The following ALK variants were observed in gnomAD, a reference collection of about 807,000 sequenced individuals.
The protein encoded by ALK is ALK receptor tyrosine kinase, also known as ALK tyrosine kinase receptor.
ALK carries 74 observed loss-of-function variants against 163.1 expected under a neutral mutation model. The observed-to-expected ratio is 0.45, with a 90% CI of 0.38 to 0.55. ALK has a LOEUF of 0.55. ALK is among the 20% of genes least tolerant of loss of function. The pLI is 0.00. For missense variants in ALK, 2,063 were observed against 2,105.3 expected (o/e 0.98, Z 0.39); for synonymous variants, 960 against 843.2 (o/e 1.14, Z -2.40).
chr2:29,272,642 A>G (rs1665422789), intron 11 of ALK, among the ~76,000 whole-genome samples: 1 of 152,222 alleles, frequency 6.6e-6, no homozygotes, highest in Non-Finnish European at 1.5e-5. Context: ...AATGCCACCA[A>G]CCACCTCGTT....
intron 3 of ALK, among the ~76,000 whole-genome samples, chr2:29,580,797 C>T (rs931784197): frequency 2.6e-5 from 4 of 152,150 alleles, no homozygotes; most frequent in Admixed American, 1.3e-4. Context: ...TGCCCAATGG[C>T]GGGGAGTCAG....
intron 1 of ALK, among the ~76,000 whole-genome samples, chr2:29,722,456 C>T (rs17008524): frequency 0.015 from 2,345 of 152,304 alleles, 63 homozygotes; most frequent in African/African-American, 0.054. Flanking sequence ...TAGCCCTCTT[C>T]GTAAGACTTT....
At chr2:29,647,567 C>T (rs1216911639) in intron 3 of ALK, among the ~76,000 whole-genome samples, 2 of 152,058 alleles carry the variant, frequency 1.3e-5, no homozygotes, top group Admixed American at 6.6e-5. Context: ...CTATTTGAAG[C>T]TCTCTCTTTC....
rs200800641 is a variant in ALK, at chr2:29,656,878, G to GA, written c.952+37971dup. ...CTACTACTCCATCCCTTTTTGCAGG[G>GA]AAAAAAAACTGTTCAAAGAACAAAA... On this transcript the variant is annotated intron_variant, in intron 3 of 28. Coordinates refer to ENST00000389048, the MANE Select transcript of ALK (RefSeq NM_004304.5). Among the ~76,000 whole-genome samples the GA allele has an allele frequency of 9.2e-4, 140 of 151,614 alleles. No homozygotes were observed. In the South Asian group the frequency reaches 9.4e-3, roughly 10 times the overall value.
At chr2:29,595,868 G>A (rs1675199463) in intron 3 of ALK, among the ~76,000 whole-genome samples, 1 of 152,202 alleles carries the variant, frequency 6.6e-6, no homozygotes, top group African/African-American at 2.4e-5. Flanking sequence ...GAGAATTCCA[G>A]GACTGAAGGG....
intron 3 of ALK, among the ~76,000 whole-genome samples, chr2:29,656,564 A>T (rs1677191150): frequency 6.6e-6 from 1 of 152,218 alleles, no homozygotes; most frequent in Non-Finnish European, 1.5e-5. Context: ...TATGTGACAT[A>T]CATGTATTAG....
intron 28 of ALK, among the ~76,000 whole-genome samples, chr2:29,194,469 C>T (rs1302490048): frequency 6.6e-6 from 1 of 152,094 alleles, no homozygotes; most frequent in Non-Finnish European, 1.5e-5. Context: ...TCCTGTGCCA[C>T]ATCATCACAT....
At chr2:29,253,014 T>C (rs1389419068) in intron 11 of ALK, among the ~76,000 whole-genome samples, 3 of 151,832 alleles carry the variant, frequency 2.0e-5, no homozygotes, top group Admixed American at 2.0e-4. Flanking sequence ...TTTGTTGAGA[T>C]GGGGGTCTCA....
chr2:29,427,149 C>T (rs920737886), intron 4 of ALK, among the ~76,000 whole-genome samples: 14 of 10,928 alleles, frequency 1.3e-3, no homozygotes, highest in Non-Finnish European at 6.1e-3. Context: ...AATAACCGCA[C>T]AAAGGATTGG....
chr2:29,198,516 A>G (rs1669079692), intron 26 of ALK, among the ~76,000 whole-genome samples: 2 of 152,232 alleles, frequency 1.3e-5, no homozygotes, highest in Non-Finnish European at 2.9e-5. Flanking sequence ...CTAGTAATTC[A>G]GGGTAATTAC....
intron 1 of ALK, among the ~76,000 whole-genome samples, chr2:29,791,445 C>T (rs1399556179): frequency 6.6e-6 from 1 of 152,040 alleles, no homozygotes; most frequent in Non-Finnish European, 1.5e-5. Flanking sequence ...CACATGGACA[C>T]AGGGAGGGGA....
At chr2:29,328,234 A>T in intron 6 of ALK, 116 bp downstream of exon 6, 1 of 1,466,092 alleles carries the variant, frequency 6.8e-7, no homozygotes, top group Non-Finnish European at 9.5e-7. Context: ...GAGGAGTCAC[A>T]AGTGTCAGTG....
intron 1 of ALK, among the ~76,000 whole-genome samples, chr2:29,885,088 A>T (rs943036736): frequency 6.6e-6 from 1 of 152,250 alleles, no homozygotes; most frequent in Non-Finnish European, 1.5e-5. Flanking sequence ...CTAGATGCTG[A>T]GACCCTTTTT....
chr2:29,543,428 T>G (rs866635455), intron 3 of ALK, among the ~76,000 whole-genome samples: 7 of 152,238 alleles, frequency 4.6e-5, no homozygotes, highest in Non-Finnish European at 1.0e-4. Context: ...CAAGCCATTT[T>G]GCAGGTGACT....
At chr2:29,906,233 T>C (rs1391006675) in intron 1 of ALK, among the ~76,000 whole-genome samples, 1 of 152,132 alleles carries the variant, frequency 6.6e-6, no homozygotes, top group Non-Finnish European at 1.5e-5. Flanking sequence ...CTTCCCAGCA[T>C]GTATCATCAT....
chr2:29,776,700 G>A (rs1172001358), intron 1 of ALK, among the ~76,000 whole-genome samples: 1 of 152,148 alleles, frequency 6.6e-6, no homozygotes, highest in Non-Finnish European at 1.5e-5. Context: ...AGGAGGCTGA[G>A]GTGGGAAGAT....
At chr2:29,210,783 A>T (rs996592945) in intron 24 of ALK, among the ~76,000 whole-genome samples, 1 of 152,232 alleles carries the variant, frequency 6.6e-6, no homozygotes, top group African/African-American at 2.4e-5. Flanking sequence ...ACATGGCTGA[A>T]GAATCGCTTC....
chr2:29,196,864 AAAG>A lies in ALK; in HGVS notation c.4074-7_4074-5del, dbSNP rs2148141994. 1 of 1,605,342 alleles carries A rather than the reference AAAG, an allele frequency of 6.2e-7. No individual in the cohort carries two copies. The highest frequency in any genetic ancestry group is 1.3e-5 in the African/African-American group (1 of 74,880). On this transcript the variant is annotated splice_polypyrimidine_tract_variant and splice_region_variant and intron_variant, in intron 27 of 28. Coordinates refer to ENST00000389048, the MANE Select transcript of ALK (RefSeq NM_004304.5). Reference sequence around the variant, plus strand: ...GCACTGAGTCATTATCCGGTATCTAAAAGAAGAAGCACATTAATTAAAATAAGG... The same window carrying A: ...GCACTGAGTCATTATCCGGTATCTAAAAGAAGCACATTAATTAAAATAAGG...
At chr2:29,509,879 G>T (rs764286762) in intron 4 of ALK, among the ~76,000 whole-genome samples, 72 of 152,144 alleles carry the variant, frequency 4.7e-4, no homozygotes, top group Non-Finnish European at 7.1e-4. Flanking sequence ...CAAGGCAATC[G>T]AAAGGTAGTT....
Sources: allele counts gnomAD v4.1 joint callset (sites outside exome capture counted in the v4.1 genomes callset), GRCh38; gene constraint gnomAD v4.1.1; transcripts MANE v1.5; gene names NCBI Gene and HGNC (gene_info 2026-07-23, HGNC 2026-07-21).